The following CDH18 variants were observed in gnomAD, a reference collection of about 807,000 sequenced individuals.
The protein encoded by CDH18 is cadherin-18.
Under a neutral mutation model 67.9 loss-of-function variants are expected in CDH18, and 31 were observed. The observed-to-expected ratio is 0.46, with a 90% CI of 0.34 to 0.62. The LOEUF (loss-of-function observed/expected upper bound fraction) is 0.62. CDH18 is among the 20% of genes least tolerant of loss of function. The pLI is 0.01. For synonymous variants in CDH18, 362 were observed against 347.2 expected, an observed-to-expected ratio of 1.04 and a Z score of -0.48; for missense variants, 890 against 975.5, an observed-to-expected ratio of 0.91 and a Z score of 1.17.
intron 1 of CDH18, among the ~76,000 whole-genome samples, chr5:20,296,280 G>C (rs552996263): frequency 1.8e-4 from 26 of 148,426 alleles, no homozygotes; most frequent in African/African-American, 6.2e-4. Flanking sequence ...TTGAGAGGGA[G>C]TCTCACTCTG....
At chr5:20,490,703 C>G (rs960897013) in intron 1 of CDH18, among the ~76,000 whole-genome samples, 6 of 152,102 alleles carry the variant, frequency 3.9e-5, no homozygotes, top group African/African-American at 1.2e-4. Flanking sequence ...GTTCTGAATA[C>G]GCAGTTCAGT....
intron 2 of CDH18, among the ~76,000 whole-genome samples, chr5:20,073,824 T>A (rs1470791801): frequency 6.6e-6 from 1 of 152,098 alleles, no homozygotes; most frequent in Admixed American, 6.5e-5. Flanking sequence ...ATAAACTCAG[T>A]TATTTCAATA....
intron 1 of CDH18, among the ~76,000 whole-genome samples, chr5:20,539,694 G>A (rs755111682): frequency 1.0e-4 from 15 of 150,234 alleles, no homozygotes; most frequent in Non-Finnish European, 3.0e-5. Flanking sequence ...TAAAAAACTG[G>A]GTAATGCATA....
intron 2 of CDH18, among the ~76,000 whole-genome samples, chr5:20,203,848 A>G (rs1411192861): frequency 6.6e-6 from 1 of 152,080 alleles, no homozygotes; most frequent in Non-Finnish European, 1.5e-5. Context: ...CTGTTTTAAG[A>G]AAACTCTATT....
intron 5 of CDH18, among the ~76,000 whole-genome samples, chr5:19,638,002 T>C (rs1479520062): frequency 6.6e-6 from 1 of 152,224 alleles, no homozygotes; most frequent in Non-Finnish European, 1.5e-5. Flanking sequence ...TTTCTATTAT[T>C]TATTGCCCAT....
At position 20,320,013 on chromosome 5, in the gene CDH18, A is replaced by G. The variant is rs540018957; in HGVS notation, c.-579-64508T>C. ...CTCTCTGATTCCAAAGACTCATTGCATTAGATATATCAGGATGCTAAGGAC... is the reference window on the plus strand; with the variant it reads ...CTCTCTGATTCCAAAGACTCATTGCGTTAGATATATCAGGATGCTAAGGAC... On this transcript the variant is annotated intron_variant, in intron 1 of 14. Coordinates refer to the CDH18 transcript ENST00000507958. Among the ~76,000 whole-genome samples, 4 of 152,256 alleles carry G rather than the reference A, an allele frequency of 2.6e-5. No homozygotes were observed. The East Asian group carries it at 5.8e-4, about 22-fold the overall frequency.
chr5:20,552,407 G>A, intron 1 of CDH18, among the ~76,000 whole-genome samples: 1 of 152,242 alleles, frequency 6.6e-6, no homozygotes, highest in East Asian at 1.9e-4. Flanking sequence ...AACCCGTGAG[G>A]TGGAGTTTGC....
chr5:19,720,393 A>G (rs932973108), intron 5 of CDH18, among the ~76,000 whole-genome samples: 2 of 152,144 alleles, frequency 1.3e-5, no homozygotes, highest in Non-Finnish European at 2.9e-5. Flanking sequence ...TGCTGCTGGA[A>G]CATCCTAGAT....
chr5:20,038,408 T>G (rs569829688), intron 2 of CDH18, among the ~76,000 whole-genome samples: 5 of 152,012 alleles, frequency 3.3e-5, no homozygotes, highest in African/African-American at 1.2e-4. Context: ...TAAAGAAAAT[T>G]TAAGGCCAAT....
At chr5:20,118,152 A>C (rs1487322790) in intron 2 of CDH18, among the ~76,000 whole-genome samples, 1 of 152,222 alleles carries the variant, frequency 6.6e-6, no homozygotes, top group Non-Finnish European at 1.5e-5. Context: ...AGTGCATTAC[A>C]TTAAAAATAG....
intron 2 of CDH18, among the ~76,000 whole-genome samples, chr5:19,921,733 A>G (rs988281731): frequency 2.0e-5 from 3 of 152,182 alleles, no homozygotes; most frequent in Non-Finnish European, 2.9e-5. Flanking sequence ...AACATCAGTC[A>G]TAAGTAGAAA....
At chr5:20,507,780 G>A (rs1393270055) in intron 1 of CDH18, among the ~76,000 whole-genome samples, 1 of 152,036 alleles carries the variant, frequency 6.6e-6, no homozygotes, top group Non-Finnish European at 1.5e-5. Context: ...TTCTCCCAAG[G>A]TTTAATGCTT....
At chr5:19,565,340 A>C (rs1321590375) in intron 8 of CDH18, among the ~76,000 whole-genome samples, 4 of 152,200 alleles carry the variant, frequency 2.6e-5, no homozygotes, top group Non-Finnish European at 5.9e-5. Context: ...CAGGCAGATC[A>C]ACATGGACAG....
At chr5:19,593,707 C>CCTTCTTCTTCTTCTTCTTCTT (rs1554054958) in intron 6 of CDH18, among the ~76,000 whole-genome samples, 1,726 of 33,148 alleles carry the variant, frequency 0.052, 58 homozygotes, top group South Asian at 0.072. Context: ...TCCTCCTCCT[C>CCTTCTTCTTCTTCTTCTTCTT]CTTCTTCTTC....
At chr5:19,481,954 C>T (rs1739497951) in intron 12 of CDH18, among the ~76,000 whole-genome samples, 1 of 152,112 alleles carries the variant, frequency 6.6e-6, no homozygotes, top group African/African-American at 2.4e-5. Context: ...TACAGATTTG[C>T]TATCTTGTTT....
At chr5:20,095,848 A>G (rs1745946294) in intron 2 of CDH18, among the ~76,000 whole-genome samples, 1 of 151,826 alleles carries the variant, frequency 6.6e-6, no homozygotes, top group South Asian at 2.1e-4. Context: ...AATAATGTAG[A>G]AAATCTAGAA....
chr5:20,157,268 G>T (rs982865874), intron 2 of CDH18, among the ~76,000 whole-genome samples: 4 of 152,132 alleles, frequency 2.6e-5, no homozygotes, highest in Non-Finnish European at 5.9e-5. Context: ...AGCCTCAAAT[G>T]AAGATTGACT....
chr5:20,289,310 T>G (rs1389443183), intron 1 of CDH18, among the ~76,000 whole-genome samples: 1 of 152,046 alleles, frequency 6.6e-6, no homozygotes, highest in Non-Finnish European at 1.5e-5. Context: ...AAATGTTAAC[T>G]CACTCTCCCA....
intron 10 of CDH18, among the ~76,000 whole-genome samples, chr5:19,514,327 G>C (rs181422303): frequency 8.5e-5 from 13 of 152,272 alleles, no homozygotes; most frequent in African/African-American, 3.1e-4. Flanking sequence ...TGTCTTTATA[G>C]TAGCATGGTG....
Sources: allele counts gnomAD v4.1 joint callset (sites outside exome capture counted in the v4.1 genomes callset), GRCh38; gene constraint gnomAD v4.1.1; transcripts MANE v1.5; gene names NCBI Gene and HGNC (gene_info 2026-07-23, HGNC 2026-07-21).